Variants in CCSER1 observed in about 807,000 individuals in gnomAD.
CCSER1 encodes serine-rich coiled-coil domain-containing protein 1.
Under a neutral mutation model 82.0 loss-of-function variants are expected in CCSER1, and 41 were observed. The ratio of observed to expected loss-of-function variants is 0.50; its 90% CI spans 0.39 to 0.65. The LOEUF (loss-of-function observed/expected upper bound fraction) is 0.65. CCSER1 is among the 30% of genes least tolerant of loss of function. The pLI, the probability that CCSER1 is intolerant of heterozygous loss-of-function variation, is 0.00. For synonymous variants in CCSER1, 414 were observed against 383.9 expected (o/e 1.08, Z -0.92); for missense variants, 1,119 against 1,064.2 (o/e 1.05, Z -0.72).
chr4:90,537,287 A>G (rs1202325459), intron 5 of CCSER1, among the ~76,000 whole-genome samples: 1 of 151,926 alleles, frequency 6.6e-6, no homozygotes, highest in East Asian at 1.9e-4. Context: ...TTCCATTTCC[A>G]TTACTTTCTC....
At chr4:90,892,763 C>G (rs1350478187) in intron 8 of CCSER1, among the ~76,000 whole-genome samples, 1 of 152,002 alleles carries the variant, frequency 6.6e-6, no homozygotes, top group East Asian at 1.9e-4. Context: ...GCGTAAATGA[C>G]TTTATCTTCC....
chr4:91,230,200 G>A (rs557799366), intron 10 of CCSER1, among the ~76,000 whole-genome samples: 1 of 151,792 alleles, frequency 6.6e-6, no homozygotes, highest in African/African-American at 2.4e-5. Context: ...CGAATAAATG[G>A]CACAAAAGTT....
intron 1 of CCSER1, among the ~76,000 whole-genome samples, chr4:90,238,523 T>G (rs1326989302): frequency 2.0e-5 from 3 of 152,186 alleles, no homozygotes; most frequent in Non-Finnish European, 4.4e-5. Context: ...GATGCAGGTT[T>G]TGTTAGTGCT....
intron 10 of CCSER1, among the ~76,000 whole-genome samples, chr4:91,399,821 A>G (rs1752211303): frequency 6.6e-6 from 1 of 152,050 alleles, no homozygotes; most frequent in Non-Finnish European, 1.5e-5. Context: ...AGGTAAATTT[A>G]TAGTCATGCT....
intron 5 of CCSER1, among the ~76,000 whole-genome samples, chr4:90,542,774 A>T (rs1776266300): frequency 6.6e-6 from 1 of 152,102 alleles, no homozygotes; most frequent in South Asian, 2.1e-4. Context: ...GTTTTTATTA[A>T]AACAATATTA....
rs1737473767 is a variant in CCSER1 at position 90,323,109 on chromosome 4, T to A, written c.1509+10062T>A. On this transcript the variant is annotated intron_variant, in intron 3 of 10. Coordinates refer to ENST00000509176, the MANE Select transcript of CCSER1 (RefSeq NM_001145065.2). ...CAGGAATATGCAGGGTGCTTCATTT[T>A]AATGTAGCTGAGCTGGTTACCAGTT... 1.3e-5 allele frequency among the ~76,000 whole-genome samples: 2 copies of A among 152,176 alleles called. 1 individual carries two copies. The highest frequency in any genetic ancestry group is 4.1e-4 in the South Asian group (2 of 4,824).
chr4:90,538,191 G>A (rs73833401), intron 5 of CCSER1, among the ~76,000 whole-genome samples: 8,607 of 152,098 alleles, frequency 0.057, 823 homozygotes, highest in African/African-American at 0.19. Context: ...TTGTTTGCCT[G>A]TGAGTAGGGA....
At chr4:90,158,837 G>A (rs1229627619) in intron 1 of CCSER1, among the ~76,000 whole-genome samples, 2 of 152,124 alleles carry the variant, frequency 1.3e-5, no homozygotes, top group Non-Finnish European at 2.9e-5. Context: ...TCCTGAGTGA[G>A]GCAATGCCTC....
At chr4:91,047,564 G>T (rs1742620391) in intron 9 of CCSER1, among the ~76,000 whole-genome samples, 1 of 152,030 alleles carries the variant, frequency 6.6e-6, no homozygotes, top group Non-Finnish European at 1.5e-5. Flanking sequence ...CTGATTACTT[G>T]CAATTCTTGG....
At chr4:90,776,545 T>C (rs1752919276) in intron 7 of CCSER1, among the ~76,000 whole-genome samples, 1 of 152,182 alleles carries the variant, frequency 6.6e-6, no homozygotes, top group Non-Finnish European at 1.5e-5. Flanking sequence ...TAAACTTTGG[T>C]AATAGACTTT....
chr4:91,004,384 C>T (rs112643994), intron 9 of CCSER1, among the ~76,000 whole-genome samples: 79 of 152,302 alleles, frequency 5.2e-4, no homozygotes, highest in African/African-American at 1.8e-3. Context: ...GAGATCATTG[C>T]AACTCTGATG....
intron 3 of CCSER1, among the ~76,000 whole-genome samples, chr4:90,366,378 A>G (rs1452761215): frequency 6.6e-6 from 1 of 151,752 alleles, no homozygotes; most frequent in African/African-American, 2.4e-5. Flanking sequence ...TAAATTGTAA[A>G]TTAACAATTC....
chr4:90,822,828 C>G (rs1288678752), intron 8 of CCSER1, among the ~76,000 whole-genome samples: 1 of 151,886 alleles, frequency 6.6e-6, no homozygotes, highest in African/African-American at 2.4e-5. Context: ...TTTATTAGCC[C>G]TCTGTAAAAT....
chr4:90,909,061 T>C (rs1176897448), intron 8 of CCSER1, among the ~76,000 whole-genome samples: 1 of 152,178 alleles, frequency 6.6e-6, no homozygotes, highest in Non-Finnish European at 1.5e-5. Flanking sequence ...CTTCTTGACC[T>C]CTTTTAGCTT....
At chr4:91,462,419 C>T (rs1756560595) in intron 10 of CCSER1, among the ~76,000 whole-genome samples, 1 of 152,092 alleles carries the variant, frequency 6.6e-6, no homozygotes, top group Non-Finnish European at 1.5e-5. Context: ...TAGTCTACAG[C>T]TCCTAGCGTC....
chr4:90,684,375 T>C (rs1379408667), intron 6 of CCSER1, among the ~76,000 whole-genome samples: 1 of 152,198 alleles, frequency 6.6e-6, no homozygotes, highest in Non-Finnish European at 1.5e-5. Flanking sequence ...TAGTATAGTG[T>C]CTGCCATATT....
intron 10 of CCSER1, among the ~76,000 whole-genome samples, chr4:91,495,482 A>T (rs2110078844): frequency 6.6e-6 from 1 of 151,550 alleles, no homozygotes. Flanking sequence ...CCATTTTACC[A>T]GTGAAGAATT....
At chr4:90,523,264 A>C (rs1038853540) in intron 5 of CCSER1, among the ~76,000 whole-genome samples, 1 of 152,190 alleles carries the variant, frequency 6.6e-6, no homozygotes, top group Non-Finnish European at 1.5e-5. Flanking sequence ...TATGGTGATG[A>C]TGGACATAGC....
chr4:90,493,227 A>T (rs1768366131), intron 5 of CCSER1, among the ~76,000 whole-genome samples: 2 of 152,218 alleles, frequency 1.3e-5, no homozygotes, highest in African/African-American at 4.8e-5. Context: ...AAGAGTAAAA[A>T]GAAATGAACA....
Sources: allele counts gnomAD v4.1 joint callset (sites outside exome capture counted in the v4.1 genomes callset), GRCh38; gene constraint gnomAD v4.1.1; transcripts MANE v1.5; gene names NCBI Gene and HGNC (gene_info 2026-07-23, HGNC 2026-07-21).